The following ERAP2 variants were observed in gnomAD, a reference collection of about 807,000 sequenced individuals.
The protein encoded by ERAP2 is leukocyte-derived arginine aminopeptidase.
In ERAP2, 118 loss-of-function variants were observed where a neutral mutation model predicts 111.1. That is an observed-to-expected ratio of 1.06 (90% confidence interval 0.92 to 1.24). The LOEUF (loss-of-function observed/expected upper bound fraction) is 1.24, where lower values mean the gene tolerates loss of function less well. Ranked by LOEUF, ERAP2 falls within the 50% of genes most tolerant of loss-of-function variation. The pLI is 0.00. For synonymous variants in ERAP2, 410 were observed against 401.2 expected, an observed-to-expected ratio of 1.02 and a Z score of -0.26; for missense variants, 1,131 against 1,125.8, an observed-to-expected ratio of 1.00 and a Z score of -0.07.
intron 9 of ERAP2, among the ~76,000 whole-genome samples, chr5:96,898,008 C>G (rs545365088): frequency 1.3e-5 from 2 of 152,154 alleles, no homozygotes; most frequent in African/African-American, 4.8e-5. Context: ...ACCAGCCTGG[C>G]CAATTCGTGG....
rs951057138 is a variant in ERAP2, at chr5:96,919,372, C to G, written c.*1767C>G. 1.3e-5 allele frequency: 2 copies of G among 152,060 alleles called. No individual in the cohort carries two copies. The highest frequency in any genetic ancestry group is 4.8e-5 in the African/African-American group (2 of 41,358). 9.4% of individuals were successfully genotyped at this position (152,060 alleles called of 1,614,324 possible). A position where few individuals can be genotyped will look rare whatever the true frequency, so the allele number is the denominator to read the frequency against. On this transcript the variant is annotated 3_prime_UTR_variant, in exon 19 of 19. Transcript: ENST00000437043. ...TGGACCTTCCTTGGTTTTTATAACA[C>G]CTAAGAGATATCCTTTAGAATTACA... is the stretch of plus-strand genomic sequence containing the variant.
intron 2 of ERAP2, chr5:96,881,351 A>C (rs1307986403): frequency 2.2e-6 from 1 of 451,498 alleles, no homozygotes. Flanking sequence ...TGAACTTGGC[A>C]GTTATTTTGG....
At chr5:96,890,013 A>G (rs1784169511) in intron 5 of ERAP2, among the ~76,000 whole-genome samples, 1 of 152,166 alleles carries the variant, frequency 6.6e-6, no homozygotes, top group Non-Finnish European at 1.5e-5. Flanking sequence ...TTGGGCACTG[A>G]GGTTGGATGG....
At chr5:96,911,915 C>A (rs371168638) in intron 15 of ERAP2, among the ~76,000 whole-genome samples, 2 of 136,152 alleles carry the variant, frequency 1.5e-5, no homozygotes, top group African/African-American at 5.4e-5. Context: ...AATGGCCGGG[C>A]GCGGTGGCTC....
chr5:96,887,308 T>TA (rs1783859060), intron 4 of ERAP2, among the ~76,000 whole-genome samples: 1 of 150,888 alleles, frequency 6.6e-6, no homozygotes, highest in Non-Finnish European at 1.5e-5. Context: ...TCCGACTTTT[T>TA]TTTTTTTTTT....
intron 4 of ERAP2, among the ~76,000 whole-genome samples, chr5:96,887,073 G>A (rs988268757): frequency 2.3e-5 from 2 of 87,180 alleles, no homozygotes; most frequent in Non-Finnish European, 2.3e-5. Flanking sequence ...AATTTTCAAA[G>A]TATATATATA....
intron 17 of ERAP2, among the ~76,000 whole-genome samples, chr5:96,913,674 A>C (rs2255637): frequency 0.54 from 82,416 of 152,082 alleles, 22,414 homozygotes; most frequent in Admixed American, 0.59. Context: ...GCCTTCTCTC[A>C]TTCAGTCCAG....
intron 17 of ERAP2, among the ~76,000 whole-genome samples, chr5:96,914,146 T>TCACACACACACACACACACA (rs778108523): frequency 3.6e-4 from 38 of 104,720 alleles, no homozygotes; most frequent in African/African-American, 1.2e-3. Flanking sequence ...TCTCTCTCTC[T>TCACACACACACACACACACA]CTCACACACA....
intron 7 of ERAP2, 62 bp downstream of exon 7, chr5:96,895,421 A>C (rs1234611372): frequency 4.3e-6 from 5 of 1,172,972 alleles, no homozygotes; most frequent in African/African-American, 3.1e-5. Context: ...TCACTATTAA[A>C]ATTTCAAGTG....
chr5:96,905,106 C>G (rs1204674432), intron 13 of ERAP2, among the ~76,000 whole-genome samples: 5 of 151,988 alleles, frequency 3.3e-5, no homozygotes. Flanking sequence ...GCAGTACTTA[C>G]TCAATAAATG....
At chr5:96,911,971 C>T (rs1463057861) in intron 15 of ERAP2, among the ~76,000 whole-genome samples, 5 of 150,350 alleles carry the variant, frequency 3.3e-5, no homozygotes, top group South Asian at 2.1e-4. Flanking sequence ...GGGCGGATCA[C>T]GAGGTCAGGA....
chr5:96,908,376 A>G (rs1786339725), intron 13 of ERAP2, among the ~76,000 whole-genome samples: 1 of 152,222 alleles, frequency 6.6e-6, no homozygotes, highest in Non-Finnish European at 1.5e-5. Flanking sequence ...TCTTCTCACT[A>G]GAAGAAAACG....
chr5:96,910,360 T>A (rs1315093875), intron 15 of ERAP2: 1 of 152,180 alleles, frequency 6.6e-6, no homozygotes, highest in Admixed American at 6.5e-5. Context: ...TTTGAAATCC[T>A]TTCTTGAATT....
Position 96,903,569 on chromosome 5 carries a change from A to T in ERAP2, c.2012+9A>T. On this transcript the variant is annotated intron_variant, in intron 13 of 18. Coordinates refer to ENST00000437043, the MANE Select transcript of ERAP2 (RefSeq NM_022350.5). ...GTGTTTCAGCTAGTTGGGTAAGGCA[A>T]CATTTCCTCTGACTTCATGCAAAAT... is the stretch of plus-strand genomic sequence containing the variant. The T allele has an allele frequency of 1.3e-6, 2 of 1,585,870 alleles. No homozygotes were observed. Among genetic ancestry groups the T allele is most frequent in the Non-Finnish European group, 1.7e-6 (2 of 1,167,428 alleles).
intron 12 of ERAP2, 89 bp downstream of exon 12, chr5:96,902,442 TAACAA>T: frequency 5.3e-6 from 4 of 759,732 alleles, no homozygotes; most frequent in African/African-American, 1.7e-5. Flanking sequence ...TAAGTAAATC[TAACAA>T]TAAAAGATTT....
intron 1 of ERAP2, among the ~76,000 whole-genome samples, chr5:96,877,191 T>C (rs1230360): frequency 0.52 from 79,468 of 151,952 alleles, 20,956 homozygotes; most frequent in South Asian, 0.61. Flanking sequence ...GTGAGGCTGG[T>C]CTCGAATTCC....
intron 15 of ERAP2, among the ~76,000 whole-genome samples, chr5:96,911,637 A>T (rs1047916303): frequency 2.6e-5 from 4 of 152,068 alleles, no homozygotes; most frequent in Non-Finnish European, 5.9e-5. Flanking sequence ...TGTAAGGCCA[A>T]GGGGTAAGAA....
At chr5:96,900,654 C>T (rs1006026714) in intron 10 of ERAP2, among the ~76,000 whole-genome samples, 4 of 151,974 alleles carry the variant, frequency 2.6e-5, no homozygotes, top group African/African-American at 4.8e-5. Flanking sequence ...TCATGCTAAT[C>T]CCCTGAATAT....
Position 96,912,708 on chromosome 5 carries a change from T to G in ERAP2, c.2426T>G (p.Leu809Ter). 6.2e-7 allele frequency: 1 copy of G among 1,606,610 alleles called. No individual in the cohort carries two copies. Among genetic ancestry groups the G allele is most frequent in the Admixed American group, 1.7e-5 (1 of 58,114 alleles). ...ACAACAGCAGGATGGAATTACCTTTTAGAGCAATATGAACTGTCAATGTCA... is the reference window on the plus strand; with the variant it reads ...ACAACAGCAGGATGGAATTACCTTTGAGAGCAATATGAACTGTCAATGTCA... Reference protein sequence around the residue: ...AQTTAGWNYLLEQYELSMSSA... With the variant: ...AQTTAGWNYL Residue 809 changes from leucine to a stop codon, truncating the protein, a stop_gained, in exon 16 of 19, where the codon TTA becomes TGA. Transcript: ENST00000437043. LOFTEE classifies it high-confidence loss of function.
Sources: allele counts gnomAD v4.1 joint callset (sites outside exome capture counted in the v4.1 genomes callset), GRCh38; gene constraint gnomAD v4.1.1; transcripts MANE v1.5; gene names NCBI Gene and HGNC (gene_info 2026-07-23, HGNC 2026-07-21).